The following CCSER1 variants were observed in gnomAD, a reference collection of about 807,000 sequenced individuals.
CCSER1 encodes the protein coiled-coil serine rich protein 1, also known as serine-rich coiled-coil domain-containing protein 1.
CCSER1 carries 41 observed loss-of-function variants against 82.0 expected under a neutral mutation model. That is an observed-to-expected ratio of 0.50 (90% confidence interval 0.39 to 0.65). CCSER1 has a LOEUF of 0.65. Among genes scored for constraint, CCSER1 ranks in the 30% least tolerant of loss-of-function variants. The probability of loss-of-function intolerance (pLI) is 0.00; values close to 1 mark genes in which losing one functional copy is unlikely to be tolerated. For missense variants in CCSER1, 1,119 were observed against 1,064.2 expected (o/e 1.05, Z -0.72); for synonymous variants, 414 against 383.9 (o/e 1.08, Z -0.92).
At chr4:90,966,579 A>C (rs578140846) in intron 9 of CCSER1, among the ~76,000 whole-genome samples, 2 of 152,296 alleles carry the variant, frequency 1.3e-5, no homozygotes, top group East Asian at 3.9e-4. Context: ...AACCTGCCTT[A>C]TAAGAAATTT....
intron 10 of CCSER1, among the ~76,000 whole-genome samples, chr4:91,595,066 C>G (rs1764501027): frequency 6.6e-6 from 1 of 151,068 alleles, no homozygotes; most frequent in South Asian, 2.1e-4. Context: ...AAAAGCAAAA[C>G]CAAAAAAACC....
At chr4:91,474,070 C>A (rs1280271840) in intron 10 of CCSER1, among the ~76,000 whole-genome samples, 1 of 152,016 alleles carries the variant, frequency 6.6e-6, no homozygotes, top group Non-Finnish European at 1.5e-5. Flanking sequence ...AACAAATGCT[C>A]TATTGCTGTA....
At chr4:91,524,508 T>C (rs1760671525) in intron 10 of CCSER1, among the ~76,000 whole-genome samples, 2 of 152,176 alleles carry the variant, frequency 1.3e-5, no homozygotes, top group Non-Finnish European at 1.5e-5. Flanking sequence ...CTTGGAGATT[T>C]CTCCACTGGT....
chr4:90,969,515 GAA>G (rs998775960), intron 9 of CCSER1, among the ~76,000 whole-genome samples: 10 of 151,558 alleles, frequency 6.6e-5, no homozygotes, highest in Non-Finnish European at 1.3e-4. Context: ...AATTCTGAAA[GAA>G]AAAGACTGCC....
chr4:90,935,700 G>A (rs1185482163), intron 9 of CCSER1, among the ~76,000 whole-genome samples: 1 of 152,190 alleles, frequency 6.6e-6, no homozygotes, highest in African/African-American at 2.4e-5. Context: ...GGGTTGGGAA[G>A]TCCAGCAGTA....
chr4:91,593,323 A>G (rs915576321), intron 10 of CCSER1, among the ~76,000 whole-genome samples: 2 of 152,140 alleles, frequency 1.3e-5, no homozygotes, highest in Non-Finnish European at 2.9e-5. Context: ...TACATTTGTT[A>G]CTAAAGAATG....
intron 10 of CCSER1, among the ~76,000 whole-genome samples, chr4:91,556,834 C>A (rs1762430606): frequency 1.3e-5 from 2 of 150,908 alleles, no homozygotes; most frequent in Non-Finnish European, 3.0e-5. Flanking sequence ...TTATTGATTT[C>A]TTTGAATGTA....
chr4:90,673,675 T>C (rs1460385841), intron 6 of CCSER1, among the ~76,000 whole-genome samples: 1 of 151,984 alleles, frequency 6.6e-6, no homozygotes, highest in African/African-American at 2.4e-5. Flanking sequence ...CACATCTGTA[T>C]TATTGAGTAA....
chr4:90,903,743 C>T (rs976760801), intron 8 of CCSER1, among the ~76,000 whole-genome samples: 1 of 150,836 alleles, frequency 6.6e-6, no homozygotes. Flanking sequence ...GAGACTGAGG[C>T]AGGATAATCA....
intron 9 of CCSER1, among the ~76,000 whole-genome samples, chr4:91,024,236 A>G (rs1740287153): frequency 6.6e-6 from 1 of 152,208 alleles, no homozygotes. Context: ...AGGGGACATT[A>G]AAACCATACC....
At chr4:91,272,183 T>C (rs1742087285) in intron 10 of CCSER1, among the ~76,000 whole-genome samples, 2 of 152,218 alleles carry the variant, frequency 1.3e-5, no homozygotes, top group African/African-American at 4.8e-5. Context: ...TCCACACTGT[T>C]TTCCATAGTG....
At chr4:90,156,552 T>G (rs1383308927) in intron 1 of CCSER1, among the ~76,000 whole-genome samples, 1 of 152,216 alleles carries the variant, frequency 6.6e-6, no homozygotes, top group African/African-American at 2.4e-5. Context: ...TGAATCTGGG[T>G]GCTCCTGTAT....
chr4:90,672,957 C>T (rs898352782), intron 6 of CCSER1, among the ~76,000 whole-genome samples: 30 of 151,866 alleles, frequency 2.0e-4, no homozygotes, highest in African/African-American at 7.0e-4. Context: ...AAAAAAATTA[C>T]AGTAGTAAAG....
At chr4:91,544,892 C>A (rs573635266) in intron 10 of CCSER1, among the ~76,000 whole-genome samples, 2 of 152,280 alleles carry the variant, frequency 1.3e-5, no homozygotes, top group East Asian at 3.9e-4. Flanking sequence ...TTCAGCTATG[C>A]CCTGTCCCCA....
intron 6 of CCSER1, among the ~76,000 whole-genome samples, chr4:90,636,777 A>G (rs186608691): frequency 7.3e-4 from 111 of 152,306 alleles, no homozygotes; most frequent in East Asian, 3.1e-3. Flanking sequence ...TCAGCAAGGT[A>G]AGAATATCCA....
At chr4:90,463,225 A>G (rs1240595258) in intron 4 of CCSER1, among the ~76,000 whole-genome samples, 3 of 152,260 alleles carry the variant, frequency 2.0e-5, no homozygotes, top group Non-Finnish European at 4.4e-5. Flanking sequence ...CTTAGAATAA[A>G]GAATCCAGAT....
intron 9 of CCSER1, among the ~76,000 whole-genome samples, chr4:91,065,845 T>G (rs1414921486): frequency 6.6e-6 from 1 of 151,430 alleles, no homozygotes; most frequent in East Asian, 1.9e-4. Context: ...GAAATCATAT[T>G]TGAATATGAC....
In CCSER1 at chr4:90,542,350, A is replaced by G. The variant is rs75385842; in HGVS notation, c.1724+73996A>G. 7.3e-3 allele frequency among the ~76,000 whole-genome samples: 1,105 copies of G among 152,194 alleles called. 6 individuals carry two copies. The highest frequency in any genetic ancestry group is 0.01 in the Non-Finnish European group (707 of 67,962). ...ATAATATTCTGCAGATGAGATGAAA[A>G]TGGAGTTTTCGCTCAGCAGGAGGAA... On this transcript the variant is annotated intron_variant, in intron 5 of 10. Transcript: ENST00000509176.
At chr4:90,876,202 T>G (rs962790366) in intron 8 of CCSER1, among the ~76,000 whole-genome samples, 1 of 152,088 alleles carries the variant, frequency 6.6e-6, no homozygotes. Flanking sequence ...ACTCATCCCA[T>G]TCTTCACTCC....
Sources: gnomAD v4.1 joint callset for allele counts (sites outside exome capture counted in the v4.1 genomes callset) on GRCh38, gnomAD v4.1.1 for gene constraint, MANE v1.5 for transcripts, NCBI Gene and HGNC (gene_info 2026-07-23, HGNC 2026-07-21) for gene names.